Variants in NFAT5 observed in about 807,000 individuals in gnomAD.
The protein encoded by NFAT5 is nuclear factor of activated T cells 5.
NFAT5 carries 31 observed loss-of-function variants against 166.5 expected under a neutral mutation model. The ratio of observed to expected loss-of-function variants is 0.19; its 90% CI spans 0.14 to 0.25. NFAT5 has a LOEUF of 0.25. Among genes scored for constraint, NFAT5 ranks in the 10% least tolerant of loss-of-function variants. The pLI is 1.00. For synonymous variants in NFAT5, 612 were observed against 639.7 expected, an observed-to-expected ratio of 0.96 and a Z score of 0.65; for missense variants, 1,449 against 1,821.8, an observed-to-expected ratio of 0.80 and a Z score of 3.72.
At chr16:69,588,106 C>G (rs2032212959) in intron 2 of NFAT5, among the ~76,000 whole-genome samples, 1 of 151,738 alleles carries the variant, frequency 6.6e-6, no homozygotes, top group Non-Finnish European at 1.5e-5. Context: ...GTGCACACCA[C>G]TATGCCTGGC....
intron 2 of NFAT5, among the ~76,000 whole-genome samples, chr16:69,598,268 C>T (rs1281757767): frequency 2.0e-5 from 3 of 151,124 alleles, no homozygotes; most frequent in Non-Finnish European, 4.4e-5. Flanking sequence ...GTCACAGCTA[C>T]TCAGGAGCCT....
intron 2 of NFAT5, among the ~76,000 whole-genome samples, chr16:69,616,479 T>C (rs547502726): frequency 9.9e-5 from 15 of 152,138 alleles, no homozygotes; most frequent in East Asian, 3.9e-4. Flanking sequence ...TCCTTCTCAT[T>C]CTATTCATGC....
chr16:69,646,435 CTATT>C, intron 3 of NFAT5: 1 of 530,662 alleles, frequency 1.9e-6, no homozygotes, highest in Non-Finnish European at 2.9e-6. Context: ...TATATTTTTT[CTATT>C]TATTTCTCAT....
Position 69,692,837 on chromosome 16 carries a change from T to C in NFAT5, c.3012T>C (p.Ser1004=). The stretch of plus-strand genomic sequence containing the variant: ...GCACTACCATGTTTCAGACATCAAG[T>C]TCAGGAGATGGAGAAGAAACTGGAA... ...TPGTTMFQTS[S]SGDGEETGTQ... Residue 1004 remains serine (S), a synonymous_variant, in exon 13 of 15, where the codon AGT becomes AGC. Transcript: ENST00000349945. 1 of 1,614,190 alleles carries C rather than the reference T, an allele frequency of 6.2e-7. No individual in the cohort carries two copies. Among genetic ancestry groups the C allele is most frequent in the East Asian group, 2.2e-5 (1 of 44,884 alleles).
At chr16:69,619,187 C>G (rs2034090548) in intron 2 of NFAT5, among the ~76,000 whole-genome samples, 1 of 152,162 alleles carries the variant, frequency 6.6e-6, no homozygotes, top group African/African-American at 2.4e-5. Flanking sequence ...CAAATGCCAG[C>G]TCTTAGGTCA....
At chr16:69,572,445 AT>A (rs943707991) in intron 2 of NFAT5, among the ~76,000 whole-genome samples, 18 of 84,348 alleles carry the variant, frequency 2.1e-4, no homozygotes, top group Admixed American at 1.4e-3. Flanking sequence ...TGGTTTATAT[AT>A]TTTTTTTAAA....
intron 3 of NFAT5, among the ~76,000 whole-genome samples, chr16:69,635,023 G>GTTTTTTTTTTTTTTTTTTTTTTTTT (rs530661389): frequency 1.9e-5 from 2 of 105,268 alleles, no homozygotes; most frequent in Non-Finnish European, 3.6e-5. Flanking sequence ...TGTTAGTAAA[G>GTTTTTTTTTTTTTTTTTTTTTTTTT]TTTTTTTTTT....
chr16:69,604,754 T>C (rs768822278), intron 2 of NFAT5, among the ~76,000 whole-genome samples: 1 of 152,232 alleles, frequency 6.6e-6, no homozygotes, highest in Admixed American at 6.5e-5. Flanking sequence ...GCCCAACTTA[T>C]GGCATCCACC....
At chr16:69,685,188 A>T (rs892569732) in intron 11 of NFAT5, 2,088 of 93,432 alleles carry the variant, frequency 0.022, 45 homozygotes, top group African/African-American at 0.063. Flanking sequence ...ATATATATAT[A>T]TATTTTTTTT....
At chr16:69,621,926 A>G (rs542697810) in intron 2 of NFAT5, among the ~76,000 whole-genome samples, 33 of 152,248 alleles carry the variant, frequency 2.2e-4, no homozygotes, top group Non-Finnish European at 3.4e-4. Flanking sequence ...TTGTGTCTGT[A>G]TACTCCAACC....
At chr16:69,688,052 C>T (rs908975235) in intron 11 of NFAT5, among the ~76,000 whole-genome samples, 2 of 150,696 alleles carry the variant, frequency 1.3e-5, no homozygotes, top group Admixed American at 6.6e-5. Flanking sequence ...AAAAATTAGC[C>T]GGGCGCGGTG....
intron 7 of NFAT5, among the ~76,000 whole-genome samples, chr16:69,661,446 G>A (rs968510995): frequency 6.2e-5 from 9 of 145,748 alleles, no homozygotes; most frequent in Admixed American, 2.1e-4. Flanking sequence ...AGGAGGCTGA[G>A]GCAGAAGGAT....
At chr16:69,590,774 A>C (rs193063718) in intron 2 of NFAT5, among the ~76,000 whole-genome samples, 2 of 152,320 alleles carry the variant, frequency 1.3e-5, no homozygotes, top group East Asian at 3.9e-4. Context: ...GTACAGTGTC[A>C]TGGGATTCCC....
At chr16:69,646,592 T>C in intron 3 of NFAT5, 1 of 1,187,654 alleles carries the variant, frequency 8.4e-7, no homozygotes, top group Non-Finnish European at 1.1e-6. Context: ...AGAAACTTAT[T>C]TTAATATTTT....
At chr16:69,636,116 C>G (rs2034955314) in intron 3 of NFAT5, among the ~76,000 whole-genome samples, 1 of 152,150 alleles carries the variant, frequency 6.6e-6, no homozygotes, top group African/African-American at 2.4e-5. Flanking sequence ...AAAGGGGTTA[C>G]AGGGCCCATG....
intron 2 of NFAT5, among the ~76,000 whole-genome samples, chr16:69,612,520 G>C (rs566941649): frequency 6.6e-6 from 1 of 152,024 alleles, no homozygotes; most frequent in African/African-American, 2.4e-5. Flanking sequence ...TATTTCTTAC[G>C]TGTATTTTTA....
chr16:69,677,339 T>C lies in NFAT5; in HGVS notation c.1690+4T>C. The C allele has an allele frequency of 6.4e-7, 1 of 1,556,408 alleles. No individual in the cohort carries two copies. Among genetic ancestry groups the C allele is most frequent in the Non-Finnish European group, 8.6e-7 (1 of 1,156,220 alleles). ...TTCACTTACACTCCAGACCCAGGTA[T>C]GTCAAAATGAAAAATTCAGAACTAA... On this transcript the variant is annotated splice_donor_region_variant and intron_variant, in intron 10 of 14. Coordinates refer to ENST00000349945, the MANE Select transcript of NFAT5 (RefSeq NM_138713.4).
At chr16:69,695,492 A>G (rs2151726856) in intron 14 of NFAT5, 113 bp downstream of exon 14, 4 of 731,874 alleles carry the variant, frequency 5.5e-6, no homozygotes, top group Middle Eastern at 2.5e-4. Flanking sequence ...TTCTCACAAG[A>G]TGATACTTTT....
chr16:69,593,716 T>A (rs1370031849), intron 2 of NFAT5, among the ~76,000 whole-genome samples: 1 of 152,066 alleles, frequency 6.6e-6, no homozygotes, highest in Non-Finnish European at 1.5e-5. Context: ...AGGAAGCAAA[T>A]TAAATTGAAG....
Sources: allele counts gnomAD v4.1 joint callset (sites outside exome capture counted in the v4.1 genomes callset), GRCh38; gene constraint gnomAD v4.1.1; transcripts MANE v1.5; gene names NCBI Gene and HGNC (gene_info 2026-07-23, HGNC 2026-07-21).